DCTD: variants seen among roughly 807,000 people sequenced by gnomAD.
The protein encoded by DCTD is deoxycytidylate deaminase.
Under a neutral mutation model 21.0 loss-of-function variants are expected in DCTD, and 23 were observed. The observed-to-expected ratio is 1.09, with a 90% CI of 0.79 to 1.55. The LOEUF is 1.55. Ranked by LOEUF, DCTD falls within the 40% of genes most tolerant of loss-of-function variation. DCTD has a pLI of 0.00. For synonymous variants in DCTD, 71 were observed against 81.1 expected, an observed-to-expected ratio of 0.88 and a Z score of 0.67; for missense variants, 224 against 230.0, an observed-to-expected ratio of 0.97 and a Z score of 0.17.
chr4:182,909,099 T>C (rs1336022978), intron 3 of DCTD, among the ~76,000 whole-genome samples: 2 of 152,224 alleles, frequency 1.3e-5, no homozygotes, highest in South Asian at 2.1e-4. Flanking sequence ...ATGTCTTTCA[T>C]AGATATTCAT....
chr4:182,894,938 G>C (rs1025129204), intron 3 of DCTD, among the ~76,000 whole-genome samples: 1 of 152,248 alleles, frequency 6.6e-6, no homozygotes, highest in Non-Finnish European at 1.5e-5. Flanking sequence ...GTGCTGACAC[G>C]CACACATGGG....
At chr4:182,898,676 A>T (rs541976072) in intron 3 of DCTD, among the ~76,000 whole-genome samples, 1 of 152,238 alleles carries the variant, frequency 6.6e-6, no homozygotes, top group South Asian at 2.1e-4. Context: ...CTTCTCCTGT[A>T]AGCATGCATA....
At chr4:182,894,663 T>C in intron 3 of DCTD, 58 bp from the exon 4 acceptor site, 1 of 1,054,686 alleles carries the variant, frequency 9.5e-7, no homozygotes, top group South Asian at 1.3e-5. Context: ...AAGAATTTAC[T>C]AAGTGTTAAC....
In DCTD at chr4:182,891,440, A is replaced by G; in HGVS notation, c.496T>C (p.Phe166Leu). 2 of 1,612,760 alleles carry G rather than the reference A, an allele frequency of 1.2e-6. No individual in the cohort carries two copies. The highest frequency in any genetic ancestry group is 1.7e-6 in the Non-Finnish European group (2 of 1,178,852). The change falls in exon 6 of 6, where the codon TTT becomes CTT. Residue 166 changes from phenylalanine (F) to leucine (L), a missense_variant. Phe to Leu is a conservative substitution (Grantham distance 22). Coordinates refer to ENST00000438320, the MANE Select transcript of DCTD (RefSeq NM_001921.3). ...IPKCSKIVID[F>L]DSINSRPSQK... ...CTCGGTCTGCTGTTAATTGAATCAA[A>G]GTCAATGACAATCTTGCTGCACTTC...
At chr4:182,916,276 C>T (rs1342412464) in intron 1 of DCTD, 3 of 631,264 alleles carry the variant, frequency 4.8e-6, no homozygotes, top group Non-Finnish European at 5.9e-6. Flanking sequence ...GTTTTTGGAA[C>T]GTAGTTTACC....
chr4:182,913,836 C>T (rs900698283), intron 3 of DCTD, among the ~76,000 whole-genome samples: 1 of 152,322 alleles, frequency 6.6e-6, no homozygotes, highest in South Asian at 2.1e-4. Flanking sequence ...GCTGGACCCT[C>T]CCAGGCAATC....
chr4:182,896,839 T>C (rs546911896), intron 3 of DCTD, among the ~76,000 whole-genome samples: 1 of 152,340 alleles, frequency 6.6e-6, no homozygotes, highest in South Asian at 2.1e-4. Flanking sequence ...ATGAACATAA[T>C]GGGTGTTAAA....
intron 3 of DCTD, among the ~76,000 whole-genome samples, chr4:182,901,204 T>C (rs376025596): frequency 1.1e-4 from 16 of 152,342 alleles, no homozygotes; most frequent in African/African-American, 3.6e-4. Context: ...CAAATTCTAA[T>C]TGCTGCCTAA....
chr4:182,914,098 CCT>C (rs1428745088), intron 3 of DCTD, among the ~76,000 whole-genome samples: 1 of 152,208 alleles, frequency 6.6e-6, no homozygotes, highest in African/African-American at 2.4e-5. Context: ...ACCTCCACCT[CCT>C]GAGTTCAAGC....
Position 182,915,551 on chromosome 4 carries a change from G to A in DCTD, c.18C>T (p.Cys6=), listed in dbSNP as rs1738583704. MSEVS[C]KKRDDYLEWP... is the part of the protein sequence containing the mutation. ...ATTCCAAATAGTCGTCCCGTTTCTT[G>A]CAGGAAACTTCACTCATGTTGGGTC... Residue 6 remains cysteine, a synonymous_variant, in exon 2 of 6, where the codon TGC becomes TGT. Transcript: ENST00000438320. 1 of 1,612,268 alleles carries A rather than the reference G, an allele frequency of 6.2e-7. No individual in the cohort carries two copies. Among genetic ancestry groups the A allele is most frequent in the Admixed American group, 1.7e-5 (1 of 60,028 alleles).
intron 5 of DCTD, among the ~76,000 whole-genome samples, chr4:182,892,603 T>TG: frequency 6.7e-6 from 1 of 149,546 alleles, no homozygotes; most frequent in East Asian, 2.0e-4. Flanking sequence ...CACTCTAGCC[T>TG]GGTGACAGAG....
intron 3 of DCTD, among the ~76,000 whole-genome samples, chr4:182,903,501 A>G (rs1191993660): frequency 2.6e-5 from 4 of 152,166 alleles, no homozygotes; most frequent in Non-Finnish European, 5.9e-5. Context: ...AACCCGCCGC[A>G]TGCGTGGAAA....
At chr4:182,913,554 T>C (rs1221847433) in intron 3 of DCTD, among the ~76,000 whole-genome samples, 1 of 152,244 alleles carries the variant, frequency 6.6e-6, no homozygotes, top group African/African-American at 2.4e-5. Flanking sequence ...TGACTTGGAT[T>C]CTTCATGAGA....
chr4:182,902,905 C>T (rs927754204), intron 3 of DCTD, among the ~76,000 whole-genome samples: 2 of 152,116 alleles, frequency 1.3e-5, no homozygotes, highest in African/African-American at 2.4e-5. Flanking sequence ...AGGCACTGCT[C>T]GCAGGTGCAA....
intron 3 of DCTD, among the ~76,000 whole-genome samples, chr4:182,914,180 G>A (rs1738260013): frequency 6.6e-6 from 1 of 152,104 alleles, no homozygotes; most frequent in Admixed American, 6.5e-5. Context: ...GCTAATTTTT[G>A]TATTTTTAGT....
intron 3 of DCTD, among the ~76,000 whole-genome samples, chr4:182,903,887 G>A (rs963030058): frequency 4.6e-5 from 7 of 152,144 alleles, no homozygotes; most frequent in African/African-American, 1.7e-4. Flanking sequence ...AAGAAATAGA[G>A]AGAAAAGTCC....
At chr4:182,903,253 GACA>G (rs776814213) in intron 3 of DCTD, among the ~76,000 whole-genome samples, 17 of 152,280 alleles carry the variant, frequency 1.1e-4, no homozygotes, top group African/African-American at 1.2e-4. Flanking sequence ...CCTGATCAGA[GACA>G]ACAAGTGACA....
chr4:182,914,526 G>A (rs745361401), intron 3 of DCTD, among the ~76,000 whole-genome samples: 18 of 152,310 alleles, frequency 1.2e-4, no homozygotes, highest in East Asian at 5.8e-4. Flanking sequence ...CTGGTTAGCC[G>A]ACCCTGCTTC....
intron 4 of DCTD, among the ~76,000 whole-genome samples, 181 bp downstream of exon 4, chr4:182,894,308 C>T (rs1053034255): frequency 2.0e-5 from 3 of 152,190 alleles, no homozygotes; most frequent in Non-Finnish European, 2.9e-5. Context: ...ACAGAGGATG[C>T]AATTAGTCTT....
Sources: allele counts gnomAD v4.1 joint callset (sites outside exome capture counted in the v4.1 genomes callset), GRCh38; gene constraint gnomAD v4.1.1; transcripts MANE v1.5; gene names NCBI Gene and HGNC (gene_info 2026-07-23, HGNC 2026-07-21).